The following URB1 variants were observed in gnomAD, a reference collection of about 807,000 sequenced individuals.
URB1 encodes URB1 ribosome biogenesis factor.
URB1 carries 197 observed loss-of-function variants against 242.3 expected under a neutral mutation model. That is an observed-to-expected ratio of 0.81 (90% confidence interval 0.72 to 0.91). URB1 has a LOEUF of 0.91. Among genes scored for constraint, URB1 ranks in the 40% least tolerant of loss-of-function variants. URB1 has a pLI of 0.00. For missense variants in URB1, 2,721 were observed against 2,860.5 expected, an observed-to-expected ratio of 0.95 and a Z score of 1.11; for synonymous variants, 1,153 against 1,201.8, an observed-to-expected ratio of 0.96 and a Z score of 0.84.
chr21:32,347,897 G>A (rs1375269848), intron 21 of URB1, 86 bp from the exon 22 acceptor site: 3 of 1,445,708 alleles, frequency 2.1e-6, no homozygotes, highest in East Asian at 2.5e-5. Flanking sequence ...ATTCACTGTT[G>A]TTAGCGAGAC....
chr21:32,312,444 G>C lies in URB1; in HGVS notation c.*2474C>G. ...AACACCCGCCGGCTCCCCCAGATGT[G>C]ATGGCATCTGCCCTGCCAGGTCAGC... On this transcript the variant is annotated 3_prime_UTR_variant, in exon 39 of 39. Coordinates refer to ENST00000382751, the MANE Select transcript of URB1 (RefSeq NM_014825.3). 5 of 555,850 alleles carry C rather than the reference G, an allele frequency of 9.0e-6. No homozygotes were observed. Among genetic ancestry groups the C allele is most frequent in the Non-Finnish European group, 1.3e-5 (5 of 394,362 alleles). 34.4% of individuals were successfully genotyped at this position (555,850 alleles called of 1,614,324 possible).
Position 32,317,852 on chromosome 21 carries a change from C to T in URB1, c.5858G>A (p.Arg1953Gln), listed in dbSNP as rs760006503. 29 of 1,551,728 alleles carry T rather than the reference C, an allele frequency of 1.9e-5. No individual in the cohort carries two copies. The highest frequency in any genetic ancestry group is 1.7e-4 in the Middle Eastern group (1 of 6,016). Reference sequence around the variant, plus strand: ...CCTAAAGGCCTGTATGACAGTGGCCCGGTACCTCAGCACGGAGTCAAGTGT... The same window carrying T: ...CCTAAAGGCCTGTATGACAGTGGCCTGGTACCTCAGCACGGAGTCAAGTGT... ...FGTLDSVLRY[R>Q]ATVIQAFRDM... Residue 1953 changes from arginine (R) to glutamine (Q), a missense_variant, in exon 37 of 39, where the codon CGG becomes CAG. Arg to Gln is a conservative substitution (Grantham distance 43). Coordinates refer to ENST00000382751, the MANE Select transcript of URB1 (RefSeq NM_014825.3).
At chr21:32,316,253 C>T (rs1316783861) in intron 38 of URB1, among the ~76,000 whole-genome samples, 5 of 152,226 alleles carry the variant, frequency 3.3e-5, no homozygotes, top group South Asian at 4.1e-4. Flanking sequence ...GTTTCCCCTG[C>T]AAGCAAAGGC....
chr21:32,356,004 AT>A (rs1324240255), intron 15 of URB1, among the ~76,000 whole-genome samples: 1 of 152,142 alleles, frequency 6.6e-6, no homozygotes, highest in African/African-American at 2.4e-5. Context: ...GTTTCATCCC[AT>A]TTTTCTCTGA....
intron 22 of URB1, among the ~76,000 whole-genome samples, chr21:32,346,012 G>A (rs2033082443): frequency 6.6e-6 from 1 of 152,206 alleles, no homozygotes; most frequent in Admixed American, 6.5e-5. Flanking sequence ...AATGGGAGGT[G>A]TTTGGGTCAT....
chr21:32,311,507 AT>A lies in URB1; in HGVS notation c.*3410del. 4.2e-6 allele frequency: 3 copies of A among 712,888 alleles called. No individual in the cohort carries two copies. The South Asian group carries it at 6.3e-5, about 15-fold the overall frequency. 44.2% of individuals were successfully genotyped at this position (712,888 alleles called of 1,614,324 possible). ...GACAAAGCACTTCCTCTCCTCTGAG[AT>A]TTCTCTAGAATGGCCACCTTTGTGA... is the stretch of plus-strand genomic sequence containing the variant. On this transcript the variant is annotated 3_prime_UTR_variant, in exon 39 of 39. Transcript: ENST00000382751.
Position 32,311,423 on chromosome 21 carries a change from C to CCCCCTCA in URB1, c.*3494_*3495insTGAGGGG. 3.4e-6 allele frequency: 1 copy of CCCCCTCA among 292,250 alleles called. No homozygotes were observed. The highest frequency in any genetic ancestry group is 6.3e-6 in the Non-Finnish European group (1 of 157,622). 18.1% of individuals were successfully genotyped at this position (292,250 alleles called of 1,614,324 possible). A position where few individuals can be genotyped will look rare whatever the true frequency, so the allele number is the denominator to read the frequency against. ...GCTCCCCTCCACCCCCCACCCCCCC[C>CCCCCTCA]ATCCTAAATCAATGTAGGAAGAAGT... On this transcript the variant is annotated 3_prime_UTR_variant, in exon 39 of 39. Coordinates refer to ENST00000382751, the MANE Select transcript of URB1 (RefSeq NM_014825.3).
At position 32,312,391 on chromosome 21, in the gene URB1, C is replaced by A; in HGVS notation, c.*2527G>T. On this transcript the variant is annotated 3_prime_UTR_variant, in exon 39 of 39. Coordinates refer to ENST00000382751, the MANE Select transcript of URB1 (RefSeq NM_014825.3). ...GTCCTTCTGTACCTTTGTTAGGATG[C>A]TGGGTAAGTTCCCATCCAAGCTCCA... 9.3e-7 allele frequency: 1 copy of A among 1,070,794 alleles called. No individual in the cohort carries two copies. Among genetic ancestry groups the A allele is most frequent in the Non-Finnish European group, 1.2e-6 (1 of 848,520 alleles). The allele number at this position is 1,070,794 out of a possible 1,614,324, so 66.3% of individuals were successfully genotyped here.
At chr21:32,364,379 G>C (rs1433826691) in intron 10 of URB1, among the ~76,000 whole-genome samples, 4 of 152,128 alleles carry the variant, frequency 2.6e-5, no homozygotes. Flanking sequence ...TAATCCCCAG[G>C]AGAGCCCTCC....
chr21:32,381,881 T>G (rs2033531106), intron 4 of URB1, among the ~76,000 whole-genome samples: 1 of 152,234 alleles, frequency 6.6e-6, no homozygotes, highest in Admixed American at 6.5e-5. Context: ...CACGCTGCTC[T>G]ATTTTTAAAT....
intron 30 of URB1, among the ~76,000 whole-genome samples, chr21:32,326,149 T>G (rs2032827046): frequency 6.6e-6 from 1 of 152,144 alleles, no homozygotes; most frequent in African/African-American, 2.4e-5. Context: ...GAGGACACCT[T>G]CCCACTCCTT....
At position 32,311,877 on chromosome 21, in the gene URB1, G is replaced by A. The variant is rs377210171; in HGVS notation, c.*3041C>T. 26 of 1,613,932 alleles carry A rather than the reference G, an allele frequency of 1.6e-5. No individual in the cohort carries two copies. The Admixed American group carries it at 3.2e-4, about 20-fold the overall frequency. On this transcript the variant is annotated 3_prime_UTR_variant, in exon 39 of 39. Coordinates refer to ENST00000382751, the MANE Select transcript of URB1 (RefSeq NM_014825.3). ...GGAGAGCTCCTCCACCTTGCCCCTC[G>A]GGGGTTTCCAGACCCACCCCACTCT...
intron 30 of URB1, among the ~76,000 whole-genome samples, chr21:32,332,863 C>A (rs2032912585): frequency 6.6e-6 from 1 of 152,106 alleles, no homozygotes; most frequent in South Asian, 2.1e-4. Context: ...TTTCTCTCCC[C>A]ACAACCCATT....
At chr21:32,390,842 T>C (rs2033629866) in intron 1 of URB1, among the ~76,000 whole-genome samples, 1 of 152,172 alleles carries the variant, frequency 6.6e-6, no homozygotes, top group Admixed American at 6.5e-5. Context: ...AGAAATACCA[T>C]TTGACCCAGT....
At position 32,349,523 on chromosome 21, in the gene URB1, G is replaced by A. The variant is rs990697766; in HGVS notation, c.2833-40C>T. The A allele has an allele frequency of 2.5e-5, 37 of 1,497,652 alleles. 1 individual carries two copies. In the African/African-American group the frequency reaches 2.7e-4, roughly 11 times the overall value. The allele number at this position is 1,497,652 out of a possible 1,614,324, so 92.8% of individuals were successfully genotyped here. The stretch of plus-strand genomic sequence containing the variant: ...GCACGAGCCTCAGCAGGGAAGAGAC[G>A]GGTTCACAGCTACCAGGCAGTGACT... On this transcript the variant is annotated intron_variant, in intron 20 of 38. Coordinates refer to ENST00000382751, the MANE Select transcript of URB1 (RefSeq NM_014825.3).
At chr21:32,351,820 G>C (rs896644478) in intron 19 of URB1, among the ~76,000 whole-genome samples, 2 of 152,204 alleles carry the variant, frequency 1.3e-5, no homozygotes, top group Non-Finnish European at 2.9e-5. Context: ...CTACGTGTGG[G>C]GGAAGGTGGC....
intron 4 of URB1, among the ~76,000 whole-genome samples, chr21:32,382,073 C>A (rs1471382787): frequency 6.6e-6 from 1 of 152,178 alleles, no homozygotes; most frequent in Non-Finnish European, 1.5e-5. Context: ...TGAGATGAAA[C>A]GGCTTGTGTG....
chr21:32,316,469 G>A lies in URB1; in HGVS notation c.6631C>T (p.Gln2211Ter), dbSNP rs1049224731. ...SSLSEKDEATQASAAFLVSLY... is the reference protein window; with the variant it reads ...SSLSEKDEAT ...CCAACAAAAGAACCAGCCTTACCTTGTGTGGCTTCATCCTTCTCACTCAGA... is the reference window on the plus strand; with the variant it reads ...CCAACAAAAGAACCAGCCTTACCTTATGTGGCTTCATCCTTCTCACTCAGA... The change falls in exon 38 of 39, where the codon CAA becomes TAA. Residue 2211 changes from glutamine (Q) to a stop codon, truncating the protein, a stop_gained. Coordinates refer to ENST00000382751, the MANE Select transcript of URB1 (RefSeq NM_014825.3). LOFTEE classifies it low-confidence loss of function (END_TRUNC). 16 of 1,515,296 alleles carry A rather than the reference G, an allele frequency of 1.1e-5. No individual in the cohort carries two copies. The highest frequency in any genetic ancestry group is 1.4e-5 in the Non-Finnish European group (16 of 1,130,638). The allele number at this position is 1,515,296 out of a possible 1,614,324, so 93.9% of individuals were successfully genotyped here. A position where few individuals can be genotyped will look rare whatever the true frequency, so the allele number is the denominator to read the frequency against.
At chr21:32,370,722 T>A (rs2033397166) in intron 8 of URB1, among the ~76,000 whole-genome samples, 1 of 152,210 alleles carries the variant, frequency 6.6e-6, no homozygotes, top group Non-Finnish European at 1.5e-5. Context: ...CCAGCACCTA[T>A]CATTGTAATT....
Sources: allele counts gnomAD v4.1 joint callset (sites outside exome capture counted in the v4.1 genomes callset), GRCh38; gene constraint gnomAD v4.1.1; transcripts MANE v1.5; gene names NCBI Gene and HGNC (gene_info 2026-07-23, HGNC 2026-07-21).